The following PTPRC variants were observed in gnomAD, a reference collection of about 807,000 sequenced individuals.
PTPRC encodes receptor-type tyrosine-protein phosphatase C.
In PTPRC, 44 loss-of-function variants were observed where a neutral mutation model predicts 155.9. The ratio of observed to expected loss-of-function variants is 0.28; its 90% CI spans 0.22 to 0.36. The LOEUF (loss-of-function observed/expected upper bound fraction) is 0.36, where lower values mean the gene tolerates loss of function less well. PTPRC is among the 10% of genes least tolerant of loss of function. The pLI is 1.00. For missense variants in PTPRC, 1,401 were observed against 1,564.6 expected (o/e 0.90, Z 1.76); for synonymous variants, 525 against 533.1 (o/e 0.98, Z 0.21).
rs534011863 is a variant in PTPRC at position 198,713,596 on chromosome 1, T to TA, written c.1291+535dup. On this transcript the variant is annotated intron_variant, in intron 12 of 32. Coordinates refer to ENST00000442510, the MANE Select transcript of PTPRC (RefSeq NM_002838.5). The stretch of plus-strand genomic sequence containing the variant: ...TAGACTTCTGCAGAAGTAATGCAAT[T>TA]AAAAAAAAAAAGAAGAAGAAAGAAA... Among the ~76,000 whole-genome samples, 470 of 144,858 alleles carry TA rather than the reference T, an allele frequency of 3.2e-3. 3 individuals are homozygous for TA. The highest frequency in any genetic ancestry group is 9.3e-3 in the African/African-American group (371 of 39,694).
chr1:198,710,549 C>A (rs898066586), intron 11 of PTPRC, among the ~76,000 whole-genome samples: 2 of 152,168 alleles, frequency 1.3e-5, no homozygotes, highest in Non-Finnish European at 2.9e-5. Context: ...CCATGTTAGT[C>A]TTCCAGTTCA....
chr1:198,662,689 T>C (rs1480866773), intron 2 of PTPRC, among the ~76,000 whole-genome samples: 2 of 152,146 alleles, frequency 1.3e-5, no homozygotes, highest in African/African-American at 4.8e-5. Flanking sequence ...TCCTGCCTTT[T>C]TCTTCCACTT....
chr1:198,643,581 T>A (rs910576990), intron 2 of PTPRC, among the ~76,000 whole-genome samples: 9 of 151,874 alleles, frequency 5.9e-5, no homozygotes, highest in Non-Finnish European at 1.3e-4. Context: ...CCTTTCTTAC[T>A]CTCCTTATCT....
At position 198,731,690 on chromosome 1, in the gene PTPRC, T is replaced by C. The variant is rs749949538; in HGVS notation, c.1938T>C (p.Ile646=). 1.2e-6 allele frequency: 2 copies of C among 1,611,110 alleles called. No individual in the cohort carries two copies. The highest frequency in any genetic ancestry group is 1.7e-6 in the Non-Finnish European group (2 of 1,177,694). Residue 646 remains isoleucine, a synonymous_variant, in exon 18 of 33, where the codon ATT becomes ATC. Transcript: ENST00000442510. ...TGTTGGAAACTTATAAGAGGAAGAT[T>C]GCTGATGAAGGAAGACTTTTTCTGG... The part of the protein sequence containing the change: ...DILLETYKRK[I]ADEGRLFLAE...
At chr1:198,653,352 A>AT (rs1458004781) in intron 2 of PTPRC, among the ~76,000 whole-genome samples, 1 of 151,860 alleles carries the variant, frequency 6.6e-6, no homozygotes, top group African/African-American at 2.4e-5. Context: ...TTGAAAAACG[A>AT]TAAAGGAGTA....
At chr1:198,641,752 T>G (rs1400409381) in intron 2 of PTPRC, among the ~76,000 whole-genome samples, 7 of 152,062 alleles carry the variant, frequency 4.6e-5, no homozygotes, top group Non-Finnish European at 8.8e-5. Flanking sequence ...TCTACCACAC[T>G]ATAGCATGGC....
At chr1:198,683,823 G>A (rs928598098) in intron 2 of PTPRC, among the ~76,000 whole-genome samples, 1 of 152,020 alleles carries the variant, frequency 6.6e-6, no homozygotes, top group Non-Finnish European at 1.5e-5. Context: ...TAACAAGCCA[G>A]AATTTTGTAA....
At position 198,684,762 on chromosome 1, in the gene PTPRC, G is replaced by A. The variant is rs563706821; in HGVS notation, c.74-7585G>A. On this transcript the variant is annotated intron_variant, in intron 2 of 32. Coordinates refer to ENST00000442510, the MANE Select transcript of PTPRC (RefSeq NM_002838.5). ...ATAACCTCTTGCTCTTTGTTCATGG[G>A]TGCAATGTTTTCTCATTTCTGAAAA... 8.3e-4 allele frequency among the ~76,000 whole-genome samples: 126 copies of A among 151,920 alleles called. 2 individuals are homozygous for A. The highest frequency in any genetic ancestry group is 3.4e-3 in the Middle Eastern group (1 of 294).
chr1:198,750,458 G>A, intron 28 of PTPRC, 34 bp from the exon 29 acceptor site: 1 of 1,600,612 alleles, frequency 6.2e-7, no homozygotes, highest in Non-Finnish European at 8.6e-7. Context: ...CTCTTCTGTA[G>A]TAACGAAGTC....
chr1:198,668,722 C>T (rs1463146439), intron 2 of PTPRC, among the ~76,000 whole-genome samples: 1 of 152,112 alleles, frequency 6.6e-6, no homozygotes, highest in East Asian at 1.9e-4. Context: ...TAGGTAGGTT[C>T]TGTATAAGGA....
At chr1:198,690,020 ATTAAC>A (rs1665843273) in intron 2 of PTPRC, among the ~76,000 whole-genome samples, 1 of 152,188 alleles carries the variant, frequency 6.6e-6, no homozygotes, top group Non-Finnish European at 1.5e-5. Context: ...AGTGAACTAA[ATTAAC>A]TTGTTTCAAG....
At chr1:198,715,841 T>C (rs1431296326) in intron 12 of PTPRC, among the ~76,000 whole-genome samples, 2 of 152,190 alleles carry the variant, frequency 1.3e-5, no homozygotes, top group Non-Finnish European at 2.9e-5. Context: ...ATTATTACTG[T>C]TGCTGCTATC....
At chr1:198,645,860 G>T (rs879282358) in intron 2 of PTPRC, among the ~76,000 whole-genome samples, 1 of 151,638 alleles carries the variant, frequency 6.6e-6, no homozygotes, top group Non-Finnish European at 1.5e-5. Flanking sequence ...CTTCTACTTT[G>T]CCAGGGATTT....
At chr1:198,681,272 A>G (rs1235615249) in intron 2 of PTPRC, among the ~76,000 whole-genome samples, 1 of 152,232 alleles carries the variant, frequency 6.6e-6, no homozygotes, top group African/African-American at 2.4e-5. Context: ...GACAATTGAT[A>G]GGAATATACA....
chr1:198,741,097 G>A (rs566010477), intron 23 of PTPRC, among the ~76,000 whole-genome samples: 2 of 151,980 alleles, frequency 1.3e-5, no homozygotes, highest in East Asian at 3.9e-4. Flanking sequence ...CCATAGATAT[G>A]AGGATATATT....
rs1487085911 is a variant in PTPRC at position 198,682,614 on chromosome 1, CA to C, written c.74-9732del. On this transcript the variant is annotated intron_variant, in intron 2 of 32. Transcript: ENST00000442510. ...CATTTACCTATTCTTTCCCTCACCC[CA>C]CTTCTTTTACAAGGTATAGGTTGAT... is the stretch of plus-strand genomic sequence containing the variant. Among the ~76,000 whole-genome samples the C allele has an allele frequency of 2.0e-5, 3 of 152,170 alleles. No individual in the cohort carries two copies. In the East Asian group the frequency reaches 5.8e-4, roughly 29 times the overall value.
At chr1:198,646,853 A>G (rs1662965914) in intron 2 of PTPRC, among the ~76,000 whole-genome samples, 1 of 151,910 alleles carries the variant, frequency 6.6e-6, no homozygotes, top group Non-Finnish European at 1.5e-5. Context: ...TAAGTTTAAA[A>G]TCTTCTCAAT....
At chr1:198,678,641 C>T (rs1242173840) in intron 2 of PTPRC, among the ~76,000 whole-genome samples, 1 of 152,180 alleles carries the variant, frequency 6.6e-6, no homozygotes, top group Non-Finnish European at 1.5e-5. Context: ...AGCCTCCATG[C>T]CAGCCAGCCT....
intron 9 of PTPRC, among the ~76,000 whole-genome samples, chr1:198,707,528 GC>G (rs775758997): frequency 3.9e-5 from 6 of 152,102 alleles, no homozygotes; most frequent in Non-Finnish European, 8.8e-5. Flanking sequence ...GGATTCCAGA[GC>G]CGTGTAATTT....
Sources: allele counts gnomAD v4.1 joint callset (sites outside exome capture counted in the v4.1 genomes callset), GRCh38; gene constraint gnomAD v4.1.1; transcripts MANE v1.5; gene names NCBI Gene and HGNC (gene_info 2026-07-23, HGNC 2026-07-21).